The following DLGAP2 variants were observed in gnomAD, a reference collection of about 807,000 sequenced individuals.
The protein encoded by DLGAP2 is disks large-associated protein 2.
In DLGAP2, 26 loss-of-function variants were observed where a neutral mutation model predicts 100.3. The observed-to-expected ratio is 0.26, with a 90% CI of 0.19 to 0.36. The LOEUF is 0.36. DLGAP2 is among the 10% of genes least tolerant of loss of function. DLGAP2 has a pLI of 1.00. For missense variants in DLGAP2, 1,858 were observed against 1,453.2 expected (o/e 1.28, Z -4.53); for synonymous variants, 886 against 630.1 (o/e 1.41, Z -6.08).
At chr8:1,073,419 G>T (rs551624310) in intron 2 of DLGAP2, among the ~76,000 whole-genome samples, 1 of 152,190 alleles carries the variant, frequency 6.6e-6, no homozygotes, top group Non-Finnish European at 1.5e-5. Flanking sequence ...TTCTATGATA[G>T]AACTATTTTT....
At chr8:1,607,284 A>G (rs1382714294) in intron 6 of DLGAP2, among the ~76,000 whole-genome samples, 1 of 152,216 alleles carries the variant, frequency 6.6e-6, no homozygotes, top group Non-Finnish European at 1.5e-5. Context: ...TTATAGCAAG[A>G]GCAGATTTTT....
chr8:1,065,096 C>T (rs1803205869), intron 2 of DLGAP2, among the ~76,000 whole-genome samples: 1 of 152,194 alleles, frequency 6.6e-6, no homozygotes, highest in African/African-American at 2.4e-5. Flanking sequence ...AATATGTCTC[C>T]ACGCACCAGG....
At chr8:1,364,954 G>C (rs988848545) in intron 3 of DLGAP2, among the ~76,000 whole-genome samples, 1 of 152,192 alleles carries the variant, frequency 6.6e-6, no homozygotes, top group Admixed American at 6.5e-5. Flanking sequence ...CAGAGACTGG[G>C]CACAGGGCCC....
intron 3 of DLGAP2, among the ~76,000 whole-genome samples, chr8:1,354,655 G>T (rs1801808646): frequency 7.2e-6 from 1 of 138,604 alleles, no homozygotes; most frequent in Non-Finnish European, 1.6e-5. Flanking sequence ...GCGGATGAAG[G>T]TGGAAAGTCA....
chr8:1,056,517 T>A (rs1802887817), intron 2 of DLGAP2, among the ~76,000 whole-genome samples: 1 of 152,224 alleles, frequency 6.6e-6, no homozygotes, highest in African/African-American at 2.4e-5. Flanking sequence ...TGTAGAACTA[T>A]TAAAGAAAAT....
rs1475107892 is a variant in DLGAP2, at chr8:1,287,773, GTGTGTGTC to G, written c.106+28898_106+28905del. Among the ~76,000 whole-genome samples, 8 of 55,342 alleles carry G rather than the reference GTGTGTGTC, an allele frequency of 1.4e-4. 1 individual carries two copies. Among genetic ancestry groups the G allele is most frequent in the African/African-American group, 6.8e-4 (8 of 11,834 alleles). 36.3% of individuals were successfully genotyped at this position (55,342 alleles called of 152,430 possible). A position where few individuals can be genotyped will look rare whatever the true frequency, so the allele number is the denominator to read the frequency against. ...TAGTTTTGGTTCAGCGTGTGTGTGT[GTGTGTGTC>G]TGTGTGTATGTGTGTGTGGTTCTGT... is the stretch of plus-strand genomic sequence containing the variant. On this transcript the variant is annotated intron_variant, in intron 3 of 14. Coordinates refer to ENST00000637795, the MANE Select transcript of DLGAP2 (RefSeq NM_001346810.2).
chr8:1,523,104 C>T (rs559305915), intron 4 of DLGAP2, among the ~76,000 whole-genome samples: 2 of 152,200 alleles, frequency 1.3e-5, no homozygotes, highest in South Asian at 2.1e-4. Context: ...GCGGCATCTC[C>T]TGGGACCTGG....
At position 796,169 on chromosome 8, in the gene DLGAP2, A is replaced by G. The variant is rs560675418; in HGVS notation, c.18+58344A>G. 7.9e-4 allele frequency among the ~76,000 whole-genome samples: 120 copies of G among 152,060 alleles called. 1 individual carries two copies. Among genetic ancestry groups the G allele is most frequent in the African/African-American group, 2.9e-3 (119 of 41,412 alleles). On this transcript the variant is annotated intron_variant, in intron 1 of 14. Transcript: ENST00000637795. ...GTCCAGTGAGAGCAGGTGTCCAGTG[A>G]GAACAGGTGTCCAGTGTGAGCACAG...
At chr8:1,269,683 T>C (rs773998884) in intron 3 of DLGAP2, among the ~76,000 whole-genome samples, 2 of 152,006 alleles carry the variant, frequency 1.3e-5, no homozygotes, top group Non-Finnish European at 2.9e-5. Flanking sequence ...CACCCCAGAA[T>C]AGAATGACTG....
chr8:948,794 T>C (rs4557728), intron 2 of DLGAP2, among the ~76,000 whole-genome samples: 66,693 of 152,068 alleles, frequency 0.44, 15,145 homozygotes, highest in Admixed American at 0.57. Flanking sequence ...AGACACTGCC[T>C]TTCGCCATGA....
At chr8:1,410,428 C>G (rs1305936986) in intron 3 of DLGAP2, among the ~76,000 whole-genome samples, 1 of 152,226 alleles carries the variant, frequency 6.6e-6, no homozygotes, top group African/African-American at 2.4e-5. Flanking sequence ...TTTTTATTCT[C>G]TCCCCTCAGT....
intron 2 of DLGAP2, among the ~76,000 whole-genome samples, chr8:1,099,911 T>A (rs2251870): frequency 0.62 from 94,518 of 152,140 alleles, 29,689 homozygotes; most frequent in African/African-American, 0.71. Context: ...CGCAAAGCTC[T>A]TACAGTAGGC....
chr8:1,585,037 ATTCTT>A (rs57803750), intron 6 of DLGAP2, among the ~76,000 whole-genome samples: 86,593 of 151,498 alleles, frequency 0.57, 25,610 homozygotes, highest in African/African-American at 0.74. Context: ...TGCTTTACTT[ATTCTT>A]TTCTGTTATT....
intron 3 of DLGAP2, among the ~76,000 whole-genome samples, chr8:1,353,698 A>G (rs554195204): frequency 1.3e-5 from 2 of 152,360 alleles, no homozygotes; most frequent in South Asian, 2.1e-4. Flanking sequence ...ATGAAAATGA[A>G]TTAGGAATAG....
intron 2 of DLGAP2, among the ~76,000 whole-genome samples, chr8:1,068,912 G>A (rs958619760): frequency 6.6e-6 from 1 of 152,082 alleles, no homozygotes; most frequent in African/African-American, 2.4e-5. Flanking sequence ...CTGTGAACCT[G>A]GGCAGCCCCG....
intron 2 of DLGAP2, among the ~76,000 whole-genome samples, chr8:1,238,740 ATGTCTAGTTCTCTCACGTGGCGCCG>A (rs1563272808): frequency 6.5e-5 from 3 of 45,934 alleles, no homozygotes; most frequent in African/African-American, 2.6e-4. Flanking sequence ...ACATGGCGCC[ATGTCTAGTTCTCTCACGTGGCGCCG>A]TGTCTAGTTC....
At chr8:1,589,872 A>G (rs917388783) in intron 6 of DLGAP2, among the ~76,000 whole-genome samples, 2 of 152,178 alleles carry the variant, frequency 1.3e-5, no homozygotes, top group Non-Finnish European at 2.9e-5. Context: ...TGACCCCGCA[A>G]CACCATTTAC....
chr8:1,558,749 C>T (rs1802059387), intron 5 of DLGAP2, among the ~76,000 whole-genome samples: 1 of 151,308 alleles, frequency 6.6e-6, no homozygotes, highest in Non-Finnish European at 1.5e-5. Context: ...CATAGGCATG[C>T]ATGCACACCC....
chr8:1,350,401 G>T (rs1428440187), intron 3 of DLGAP2, among the ~76,000 whole-genome samples: 1 of 88,624 alleles, frequency 1.1e-5, no homozygotes, highest in African/African-American at 4.1e-5. Flanking sequence ...GGCCGCGCGG[G>T]TCCTGACTGT....
Sources: allele counts gnomAD v4.1 joint callset (sites outside exome capture counted in the v4.1 genomes callset), GRCh38; gene constraint gnomAD v4.1.1; transcripts MANE v1.5; gene names NCBI Gene and HGNC (gene_info 2026-07-23, HGNC 2026-07-21).